NSD1: variants seen among roughly 807,000 people sequenced by gnomAD.
NSD1 encodes histone-lysine N-methyltransferase, H3 lysine-36 specific.
In NSD1, 26 loss-of-function variants were observed where a neutral mutation model predicts 242.7. The ratio of observed to expected loss-of-function variants is 0.11; its 90% CI spans 0.08 to 0.15. NSD1 has a LOEUF of 0.15. Among genes scored for constraint, NSD1 ranks in the 10% least tolerant of loss-of-function variants. The probability of loss-of-function intolerance (pLI) is 1.00; values close to 1 mark genes in which losing one functional copy is unlikely to be tolerated. For synonymous variants in NSD1, 1,106 were observed against 1,178.1 expected (o/e 0.94, Z 1.25); for missense variants, 2,495 against 3,272.8 (o/e 0.76, Z 5.80).
At chr5:177,204,385 G>A in intron 4 of NSD1, 93 bp downstream of exon 4, 1 of 1,227,592 alleles carries the variant, frequency 8.1e-7, no homozygotes, top group Non-Finnish European at 1.2e-6. Flanking sequence ...ACAGAACTTT[G>A]CTCTGTTTCC....
At chr5:177,190,348 T>G (rs1035017228) in intron 2 of NSD1, among the ~76,000 whole-genome samples, 17 of 152,030 alleles carry the variant, frequency 1.1e-4, no homozygotes, top group Non-Finnish European at 2.4e-4. Flanking sequence ...GGCGCAATCT[T>G]GGCTCACTGC....
Position 177,211,963 on chromosome 5 carries a change from G to A in NSD1, c.3564G>A (p.Arg1188=). ...KEKENSECAF[R]VLLPSDPVQE... is the part of the protein sequence containing the mutation. ...AAGAAAACTCTGAGTGTGCCTTTAG[G>A]GTCTTACTTCCTAGTGACCCTGTGC... is the stretch of plus-strand genomic sequence containing the variant. The change falls in exon 5 of 23, where the codon AGG becomes AGA. Residue 1188 remains arginine (R), a synonymous_variant. Transcript: ENST00000439151. 6.2e-7 allele frequency: 1 copy of A among 1,609,990 alleles called. No individual in the cohort carries two copies. The highest frequency in any genetic ancestry group is 1.1e-5 in the South Asian group (1 of 90,812).
chr5:177,173,928 A>G (rs1037703765), intron 2 of NSD1, among the ~76,000 whole-genome samples: 5 of 152,242 alleles, frequency 3.3e-5, no homozygotes, highest in Non-Finnish European at 5.9e-5. Context: ...TTAACTTTTA[A>G]TGGATGAAGC....
At chr5:177,158,821 C>CAAAAAAAAAAAAAAAAAAAA (rs57206832) in intron 2 of NSD1, among the ~76,000 whole-genome samples, 1 of 80,330 alleles carries the variant, frequency 1.2e-5, no homozygotes, top group Non-Finnish European at 2.4e-5. Context: ...GACTTCATCT[C>CAAAAAAAAAAAAAAAAAAAA]AAAAAAAAAA....
intron 4 of NSD1, among the ~76,000 whole-genome samples, chr5:177,205,004 C>T (rs1465306463): frequency 1.3e-5 from 2 of 152,022 alleles, no homozygotes. Context: ...CTAATTATTT[C>T]TGTTAATGAG....
chr5:177,178,009 T>C (rs531133371), intron 2 of NSD1, among the ~76,000 whole-genome samples: 5 of 151,978 alleles, frequency 3.3e-5, no homozygotes, highest in Middle Eastern at 3.4e-3. Flanking sequence ...ATTCTCATAC[T>C]ACAACCTCCT....
intron 9 of NSD1, 46 bp downstream of exon 9, chr5:177,244,316 G>T (rs1581424043): frequency 7.5e-7 from 1 of 1,342,102 alleles, no homozygotes; most frequent in East Asian, 2.3e-5. Flanking sequence ...TAGTAAGTTT[G>T]AAGTGCTTTG....
At chr5:177,136,178 T>C in intron 2 of NSD1, 148 bp downstream of exon 2, 2 of 677,470 alleles carry the variant, frequency 3.0e-6, no homozygotes, top group Non-Finnish European at 5.1e-6. Context: ...GGCAAAATTT[T>C]ACTTTGATTT....
chr5:177,207,384 G>A (rs770787609), intron 4 of NSD1, among the ~76,000 whole-genome samples: 8 of 151,562 alleles, frequency 5.3e-5, no homozygotes, highest in Non-Finnish European at 8.8e-5. Flanking sequence ...CCGGGTTCAC[G>A]CCATTCTCCT....
At position 177,264,770 on chromosome 5, in the gene NSD1, C is replaced by T. The variant is rs145544436; in HGVS notation, c.5147-2792C>T. The stretch of plus-strand genomic sequence containing the variant: ...ATCTTCCTGTAATTCGCCAAAATGA[C>T]AAACACAAAGGGAAAGAGGAGAGGC... On this transcript the variant is annotated intron_variant, in intron 14 of 22. Transcript: ENST00000439151. 468 of 738,324 alleles carry T rather than the reference C, an allele frequency of 6.3e-4. 2 individuals carry two copies. The East Asian group carries it at 0.01, about 16-fold the overall frequency. 45.7% of individuals were successfully genotyped at this position (738,324 alleles called of 1,614,324 possible). A position where few individuals can be genotyped will look rare whatever the true frequency, so the allele number is the denominator to read the frequency against.
chr5:177,273,831 A>C, intron 17 of NSD1, 47 bp downstream of exon 17: 1 of 1,242,040 alleles, frequency 8.1e-7, no homozygotes, highest in Non-Finnish European at 1.2e-6. Context: ...GAAATGGAAT[A>C]GCTGGCTCTT....
chr5:177,231,159 C>T (rs1562237188), intron 5 of NSD1, among the ~76,000 whole-genome samples: 1 of 152,200 alleles, frequency 6.6e-6, no homozygotes, highest in Non-Finnish European at 1.5e-5. Flanking sequence ...AATCCTAGCT[C>T]ATTGCAGCCT....
chr5:177,236,729 T>C (rs989587572), intron 6 of NSD1, among the ~76,000 whole-genome samples: 3 of 152,252 alleles, frequency 2.0e-5, no homozygotes, highest in African/African-American at 4.8e-5. Flanking sequence ...GTTTGATAGA[T>C]TGAAAGTTGA....
At chr5:177,224,708 C>T (rs910200355) in intron 5 of NSD1, among the ~76,000 whole-genome samples, 3 of 150,308 alleles carry the variant, frequency 2.0e-5, no homozygotes, top group African/African-American at 7.4e-5. Flanking sequence ...CTGGCTAGAG[C>T]CTCCAGTGTG....
intron 2 of NSD1, among the ~76,000 whole-genome samples, chr5:177,174,064 C>T (rs1458608091): frequency 6.6e-6 from 1 of 151,952 alleles, no homozygotes; most frequent in South Asian, 2.1e-4. Context: ...CCTCCTTGGT[C>T]GTCAGAAAAG....
intron 5 of NSD1, 36 bp downstream of exon 5, chr5:177,212,231 T>TG: frequency 6.3e-7 from 1 of 1,588,020 alleles, no homozygotes; most frequent in Non-Finnish European, 8.6e-7. Context: ...AAAAAAAAAT[T>TG]GGAGAAAGTG....
chr5:177,257,213 T>C, intron 13 of NSD1, 62 bp downstream of exon 13: 2 of 1,290,078 alleles, frequency 1.6e-6, no homozygotes, highest in South Asian at 1.4e-5. Flanking sequence ...GCAACAGATA[T>C]TTTCTTTTTT....
rs1210270412 is a variant in NSD1, at chr5:177,211,554, G to A, written c.3155G>A (p.Arg1052His). The change falls in exon 5 of 23, where the codon CGC (arginine) becomes CAC (histidine). Residue 1052 changes from arginine (R) to histidine (H), a missense_variant. Physicochemically the swap from Arg to His is conservative, Grantham distance 29. Around this residue, in one of 19 missense-constraint regions of NSD1, gnomAD observed 426 missense variants for 411.4 expected, o/e 1.04. Transcript: ENST00000439151. The part of the protein sequence containing the change: ...TVNRKALKTE[R>H]KRKLNQLPSV... ...AACCGTAAAGCCTTAAAGACCGAGC[G>A]CAAAAGAAAACTGAATCAGCTTCCA... is the stretch of plus-strand genomic sequence containing the variant. The A allele has an allele frequency of 3.7e-6, 6 of 1,614,044 alleles. No homozygotes were observed. Among genetic ancestry groups the A allele is most frequent in the Admixed American group, 1.7e-5 (1 of 60,008 alleles).
intron 2 of NSD1, 68 bp downstream of exon 2, chr5:177,136,098 C>T (rs1298523104): frequency 2.9e-6 from 4 of 1,396,704 alleles, no homozygotes; most frequent in Admixed American, 1.8e-5. Context: ...TAAAGGGAAA[C>T]TTGTAACAAA....
Sources: allele counts gnomAD v4.1 joint callset (sites outside exome capture counted in the v4.1 genomes callset), GRCh38; gene constraint gnomAD v4.1.1; regional missense constraint gnomAD v4.1.1; transcripts MANE v1.5; gene names NCBI Gene and HGNC (gene_info 2026-07-23, HGNC 2026-07-21).